ZC3H3: variants seen among roughly 807,000 people sequenced by gnomAD.
ZC3H3 encodes zinc finger CCCH-type containing 3, also known as zinc finger CCCH domain-containing protein 3.
A neutral mutation model predicts 77.3 loss-of-function variants in ZC3H3; 36 were observed. The ratio of observed to expected loss-of-function variants is 0.47; its 90% CI spans 0.36 to 0.61. The LOEUF is 0.61. ZC3H3 is among the 20% of genes least tolerant of loss of function. ZC3H3 has a pLI of 0.00. For missense variants in ZC3H3, 1,331 were observed against 1,312.2 expected (o/e 1.01, Z -0.22); for synonymous variants, 626 against 555.2 (o/e 1.13, Z -1.79).
intron 5 of ZC3H3, among the ~76,000 whole-genome samples, chr8:143,472,169 C>G (rs564565340): frequency 2.6e-5 from 4 of 152,274 alleles, no homozygotes; most frequent in African/African-American, 7.2e-5. Context: ...ACCCTCCTTG[C>G]TGGCGTTGCT....
intron 4 of ZC3H3, among the ~76,000 whole-genome samples, chr8:143,485,151 T>C (rs772640644): frequency 3.5e-4 from 53 of 152,014 alleles, no homozygotes; most frequent in Non-Finnish European, 6.5e-4. Flanking sequence ...GGCCAACATG[T>C]GGAAGTTATG....
At chr8:143,453,165 C>T (rs887951018) in intron 9 of ZC3H3, among the ~76,000 whole-genome samples, 2 of 152,182 alleles carry the variant, frequency 1.3e-5, no homozygotes, top group African/African-American at 4.8e-5. Context: ...GCAGCCTCGA[C>T]CTCCAGGGCT....
At chr8:143,469,147 C>T (rs1820494275) in intron 5 of ZC3H3, among the ~76,000 whole-genome samples, 1 of 152,264 alleles carries the variant, frequency 6.6e-6, no homozygotes, top group South Asian at 2.1e-4. Context: ...CTGGCTCTCT[C>T]CTCAGCCCTG....
Position 143,538,525 on chromosome 8 carries a change from C to T in ZC3H3, c.842G>A (p.Gly281Asp), listed in dbSNP as rs1235725912. 3.7e-6 allele frequency: 6 copies of T among 1,611,936 alleles called. No homozygotes were observed. Among genetic ancestry groups the T allele is most frequent in the Non-Finnish European group, 2.5e-6 (3 of 1,179,984 alleles). ...DQPVPSGSVG[G>D]PARPASGPRQ... ...GGGTCCTGAGGCCGGTCTGGCGGGG[C>T]CCCCCACTGAGCCAGACGGAACTGG... The change falls in exon 2 of 12, where the codon GGC (glycine) becomes GAC (aspartate). Residue 281 changes from glycine (G) to aspartate (D), a missense_variant. Around this residue, in one of 3 missense-constraint regions of ZC3H3, gnomAD observed 978 missense variants for 915.5 expected, o/e 1.07. Transcript: ENST00000262577.
intron 9 of ZC3H3, among the ~76,000 whole-genome samples, chr8:143,448,450 G>C (rs1246231700): frequency 6.6e-6 from 1 of 152,366 alleles, no homozygotes; most frequent in African/African-American, 2.4e-5. Flanking sequence ...CCAAAAGAAA[G>C]GGGTACAGGC....
chr8:143,479,339 G>A (rs565570147), intron 4 of ZC3H3, among the ~76,000 whole-genome samples: 10 of 152,284 alleles, frequency 6.6e-5, no homozygotes, highest in African/African-American at 2.4e-4. Flanking sequence ...GGAGAGGATG[G>A]CCTTTGGAAA....
intron 3 of ZC3H3, among the ~76,000 whole-genome samples, chr8:143,529,524 G>A (rs1331758408): frequency 1.3e-5 from 2 of 152,218 alleles, no homozygotes; most frequent in African/African-American, 2.4e-5. Flanking sequence ...GAGGTCACAT[G>A]AACAGCCGTC....
chr8:143,509,181 T>TCC (rs911634277), intron 3 of ZC3H3, among the ~76,000 whole-genome samples: 4 of 152,120 alleles, frequency 2.6e-5, no homozygotes, highest in South Asian at 2.1e-4. Context: ...ATCAAAGCCT[T>TCC]CCCCAGAGTC....
intron 9 of ZC3H3, among the ~76,000 whole-genome samples, chr8:143,455,373 G>C (rs1820088961): frequency 6.6e-6 from 1 of 152,088 alleles, no homozygotes; most frequent in African/African-American, 2.4e-5. Flanking sequence ...GCGCGTGTCT[G>C]TAATCCCAGC....
chr8:143,506,343 C>A (rs2980273), intron 4 of ZC3H3, among the ~76,000 whole-genome samples: 4,244 of 152,252 alleles, frequency 0.028, 179 homozygotes, highest in African/African-American at 0.096. Flanking sequence ...TAAATCTGAA[C>A]CTCATTCCCG....
chr8:143,539,454 G>T, intron 1 of ZC3H3, 134 bp from the exon 2 acceptor site: 1 of 972,770 alleles, frequency 1.0e-6, no homozygotes, highest in African/African-American at 1.6e-5. Context: ...TTTCAGGAGG[G>T]GCAGCCCCCA....
intron 4 of ZC3H3, among the ~76,000 whole-genome samples, chr8:143,476,533 C>T (rs542062547): frequency 6.6e-6 from 1 of 152,354 alleles, no homozygotes; most frequent in South Asian, 2.1e-4. Context: ...CAGCCACACC[C>T]ACAGCCCTGC....
intron 11 of ZC3H3, 92 bp from the exon 12 acceptor site, chr8:143,438,179 G>T: frequency 6.7e-7 from 1 of 1,493,200 alleles, no homozygotes; most frequent in Non-Finnish European, 9.1e-7. Flanking sequence ...GGATCGGGGG[G>T]CTCTGTCAGC....
chr8:143,441,267 G>C (rs2294112), intron 9 of ZC3H3, 147 bp from the exon 10 acceptor site: 527,665 of 831,858 alleles, frequency 0.63, 168,664 homozygotes, highest in African/African-American at 0.66. Flanking sequence ...GCTTCCTCTT[G>C]GAAGGCTGAG....
chr8:143,534,434 G>A (rs1403907654), intron 3 of ZC3H3, among the ~76,000 whole-genome samples: 3 of 152,048 alleles, frequency 2.0e-5, no homozygotes, highest in South Asian at 2.1e-4. Context: ...GGGGGGCGCC[G>A]AGCAAGGCCC....
At chr8:143,451,782 TAAA>T (rs547990960) in intron 9 of ZC3H3, among the ~76,000 whole-genome samples, 3 of 112,492 alleles carry the variant, frequency 2.7e-5, no homozygotes, top group Admixed American at 1.7e-4. Flanking sequence ...AGACTCTGCC[TAAA>T]AAAAAAAAAA....
At chr8:143,481,693 C>T (rs1330869867) in intron 4 of ZC3H3, among the ~76,000 whole-genome samples, 2 of 152,242 alleles carry the variant, frequency 1.3e-5, no homozygotes, top group Non-Finnish European at 2.9e-5. Flanking sequence ...TGTCGCTCTG[C>T]ACCTCCGGCT....
At position 143,449,325 on chromosome 8, in the gene ZC3H3, T is replaced by A. The variant is rs150863467; in HGVS notation, c.2308-8205A>T. Among the ~76,000 whole-genome samples the A allele has an allele frequency of 4.2e-4, 64 of 152,330 alleles. No individual in the cohort carries two copies. In the East Asian group the frequency reaches 9.1e-3, roughly 22 times the overall value. The stretch of plus-strand genomic sequence containing the variant: ...AATTTTCCAAACTCTATTTCCCTTT[T>A]AAATATAAGTTCCAGCTTGAGGTCA... On this transcript the variant is annotated intron_variant, in intron 9 of 11. Transcript: ENST00000262577.
intron 9 of ZC3H3, among the ~76,000 whole-genome samples, chr8:143,442,249 C>T (rs574589285): frequency 2.6e-5 from 4 of 152,276 alleles, no homozygotes; most frequent in Admixed American, 2.6e-4. Context: ...CCAGTGCTTG[C>T]ACCCTCACTC....
Sources: gnomAD v4.1 joint callset for allele counts (sites outside exome capture counted in the v4.1 genomes callset) on GRCh38, gnomAD v4.1.1 for gene constraint, gnomAD v4.1.1 regional missense constraint, MANE v1.5 for transcripts, NCBI Gene and HGNC (gene_info 2026-07-23, HGNC 2026-07-21) for gene names.